The following SSBP2 variants were observed in gnomAD, a reference collection of about 807,000 sequenced individuals.
The protein encoded by SSBP2 is single-stranded DNA-binding protein 2.
A neutral mutation model predicts 61.8 loss-of-function variants in SSBP2; 17 were observed. The ratio of observed to expected loss-of-function variants is 0.28; its 90% CI spans 0.19 to 0.41. The LOEUF is 0.41. Among genes scored for constraint, SSBP2 ranks in the 10% least tolerant of loss-of-function variants. SSBP2 has a pLI of 1.00. For missense variants in SSBP2, 310 were observed against 458.7 expected (o/e 0.68, Z 2.96); for synonymous variants, 139 against 141.3 (o/e 0.98, Z 0.12).
rs747283738 is a variant in SSBP2 at position 81,420,274 on chromosome 5, T to C, written c.*230A>G. On this transcript the variant is annotated 3_prime_UTR_variant, in exon 17 of 17. Transcript: ENST00000320672. ...CACATATACATACACACATAATTAT[T>C]TGCAGTTCAGTTTAGGGCAATTCTA... 3.5e-6 allele frequency: 2 copies of C among 570,232 alleles called. No individual in the cohort carries two copies. The highest frequency in any genetic ancestry group is 1.9e-5 in the African/African-American group (1 of 53,426). The allele number at this position is 570,232 out of a possible 1,614,324, so 35.3% of individuals were successfully genotyped here. A position where few individuals can be genotyped will look rare whatever the true frequency, so the allele number is the denominator to read the frequency against.
At chr5:81,686,638 C>T (rs1444130639) in intron 1 of SSBP2, among the ~76,000 whole-genome samples, 2 of 151,604 alleles carry the variant, frequency 1.3e-5, no homozygotes, top group East Asian at 3.9e-4. Context: ...AGGCAGATCA[C>T]GAGGTCAGGA....
chr5:81,555,462 G>T (rs1772521192), intron 4 of SSBP2, among the ~76,000 whole-genome samples: 1 of 151,954 alleles, frequency 6.6e-6, no homozygotes, highest in Admixed American at 6.6e-5. Context: ...GTCCTTAGTG[G>T]CATTATCAAA....
At chr5:81,697,402 C>T (rs389860) in intron 1 of SSBP2, among the ~76,000 whole-genome samples, 84,268 of 152,024 alleles carry the variant, frequency 0.55, 25,061 homozygotes, top group African/African-American at 0.73. Flanking sequence ...TTCACTTAAA[C>T]AGACATATTC....
At chr5:81,712,822 T>A (rs953703427) in intron 1 of SSBP2, among the ~76,000 whole-genome samples, 4 of 150,806 alleles carry the variant, frequency 2.7e-5, no homozygotes, top group Non-Finnish European at 4.4e-5. Flanking sequence ...AGCCTTGACC[T>A]CCTGGGCTCA....
intron 4 of SSBP2, among the ~76,000 whole-genome samples, chr5:81,608,768 A>G (rs1410214235): frequency 6.6e-6 from 1 of 152,188 alleles, no homozygotes; most frequent in East Asian, 1.9e-4. Flanking sequence ...TGAGAATTCT[A>G]GAATGGGGGT....
At chr5:81,672,377 A>G (rs934715472) in intron 1 of SSBP2, among the ~76,000 whole-genome samples, 5 of 152,168 alleles carry the variant, frequency 3.3e-5, no homozygotes, top group Non-Finnish European at 5.9e-5. Flanking sequence ...TTTTAAATAC[A>G]AGAAAATAGT....
At chr5:81,496,889 C>T (rs762422918) in intron 5 of SSBP2, among the ~76,000 whole-genome samples, 4 of 152,134 alleles carry the variant, frequency 2.6e-5, no homozygotes, top group East Asian at 1.9e-4. Flanking sequence ...TCACAAAAAG[C>T]GTATGGTACA....
intron 4 of SSBP2, among the ~76,000 whole-genome samples, chr5:81,597,759 C>CA (rs1743923335): frequency 6.7e-6 from 1 of 149,120 alleles, no homozygotes; most frequent in African/African-American, 2.5e-5. Context: ...ATCGCAAGGA[C>CA]AAAAAACCAA....
chr5:81,735,130 C>A (rs1273419656), intron 1 of SSBP2, among the ~76,000 whole-genome samples: 2 of 152,002 alleles, frequency 1.3e-5, no homozygotes, highest in East Asian at 3.9e-4. Flanking sequence ...TAGTTAATTC[C>A]TCTCATGCTG....
chr5:81,559,117 G>C (rs1042877453), intron 4 of SSBP2, among the ~76,000 whole-genome samples: 4 of 152,186 alleles, frequency 2.6e-5, no homozygotes, highest in African/African-American at 7.2e-5. Flanking sequence ...AGCTGGGTGC[G>C]GTGCTCACGC....
chr5:81,569,170 A>G (rs1330557283), intron 4 of SSBP2, among the ~76,000 whole-genome samples: 1 of 152,172 alleles, frequency 6.6e-6, no homozygotes, highest in African/African-American at 2.4e-5. Context: ...TTTTCATTTT[A>G]TTTTTAAATT....
chr5:81,443,219 C>T (rs1391905247), intron 12 of SSBP2: 2 of 152,042 alleles, frequency 1.3e-5, no homozygotes, highest in African/African-American at 4.8e-5. Context: ...TAAGAGTATA[C>T]AATTAGAATA....
chr5:81,708,189 T>G (rs1249845535), intron 1 of SSBP2, among the ~76,000 whole-genome samples: 3 of 152,124 alleles, frequency 2.0e-5, no homozygotes, highest in African/African-American at 7.2e-5. Context: ...ATCTTAAAGA[T>G]ACAGAGCTCA....
At chr5:81,717,329 T>A (rs1160365039) in intron 1 of SSBP2, among the ~76,000 whole-genome samples, 10 of 152,164 alleles carry the variant, frequency 6.6e-5, no homozygotes. Context: ...CATCTATCCG[T>A]AACATATTCT....
At chr5:81,438,892 A>G (rs1469165078) in intron 14 of SSBP2, among the ~76,000 whole-genome samples, 1 of 152,226 alleles carries the variant, frequency 6.6e-6, no homozygotes, top group Admixed American at 6.5e-5. Context: ...GGTAGTCATT[A>G]GCTACAAGTG....
At chr5:81,586,343 T>G (rs1280028444) in intron 4 of SSBP2, among the ~76,000 whole-genome samples, 1 of 152,218 alleles carries the variant, frequency 6.6e-6, no homozygotes, top group Non-Finnish European at 1.5e-5. Flanking sequence ...ACAGCCATCT[T>G]AATAGGTGTT....
At chr5:81,442,385 C>T (rs971930770) in intron 13 of SSBP2, among the ~76,000 whole-genome samples, 4 of 152,024 alleles carry the variant, frequency 2.6e-5, no homozygotes, top group African/African-American at 9.6e-5. Flanking sequence ...TAGTATATAT[C>T]ATTAATTATT....
intron 4 of SSBP2, among the ~76,000 whole-genome samples, chr5:81,574,060 G>T (rs1484701712): frequency 6.6e-6 from 1 of 152,082 alleles, no homozygotes; most frequent in African/African-American, 2.4e-5. Flanking sequence ...AGAACGGCAT[G>T]AATCCAGGAG....
intron 2 of SSBP2, among the ~76,000 whole-genome samples, chr5:81,647,558 G>A (rs1749374512): frequency 6.6e-6 from 1 of 151,942 alleles, no homozygotes; most frequent in Non-Finnish European, 1.5e-5. Context: ...TTCAGAGTTT[G>A]GCAGCCTAGA....
Sources: gnomAD v4.1 joint callset for allele counts (sites outside exome capture counted in the v4.1 genomes callset) on GRCh38, gnomAD v4.1.1 for gene constraint, MANE v1.5 for transcripts, NCBI Gene and HGNC (gene_info 2026-07-23, HGNC 2026-07-21) for gene names.